The following UBXN11 variants were observed in gnomAD, a reference collection of about 807,000 sequenced individuals.
The protein encoded by UBXN11 is UBX domain protein 11, also known as UBX domain-containing protein 11.
In UBXN11, 47 loss-of-function variants were observed where a neutral mutation model predicts 62.8. The observed-to-expected ratio is 0.75, with a 90% CI of 0.59 to 0.95. The LOEUF (loss-of-function observed/expected upper bound fraction) is 0.95, where lower values mean the gene tolerates loss of function less well. Among genes scored for constraint, UBXN11 ranks in the 40% least tolerant of loss-of-function variants. The probability of loss-of-function intolerance (pLI) is 0.00; values close to 1 mark genes in which losing one functional copy is unlikely to be tolerated. For synonymous variants in UBXN11, 294 were observed against 267.0 expected, an observed-to-expected ratio of 1.10 and a Z score of -0.99; for missense variants, 638 against 661.7, an observed-to-expected ratio of 0.96 and a Z score of 0.39.
At chr1:26,289,017 T>C (rs1379139288) in intron 8 of UBXN11, among the ~76,000 whole-genome samples, 1 of 152,046 alleles carries the variant, frequency 6.6e-6, no homozygotes, top group Non-Finnish European at 1.5e-5. Context: ...TCATCCAACT[T>C]TGAGAGCCCA....
intron 8 of UBXN11, among the ~76,000 whole-genome samples, chr1:26,293,229 A>C (rs1416759448): frequency 6.6e-6 from 1 of 152,102 alleles, no homozygotes; most frequent in Non-Finnish European, 1.5e-5. Flanking sequence ...TGCCCAAGTC[A>C]CACTTGGGAT....
In UBXN11 at chr1:26,282,656, G is replaced by A. The variant is rs772945901; in HGVS notation, c.1285C>T (p.Gln429Ter). The A allele has an allele frequency of 6.8e-6, 11 of 1,614,072 alleles. No homozygotes were observed. The South Asian group carries it at 8.8e-5, about 13-fold the overall frequency. Reference sequence around the variant, plus strand: ...GCCCTGCCCTGCACCCACCTGGCCTGCGCTAGCAGAGCTCGCACGTCCCCA... The same window carrying A: ...GCCCTGCCCTGCACCCACCTGGCCTACGCTAGCAGAGCTCGCACGTCCCCA... ...TIGDVRALLAQARVMDASAFE... is the reference protein window; with the variant it reads ...TIGDVRALLA The change falls in exon 14 of 15, where the codon CAG becomes TAG. Residue 429 changes from glutamine (Q) to a stop codon, truncating the protein, a stop_gained. Coordinates refer to ENST00000374222, the MANE Select transcript of UBXN11 (RefSeq NM_001389556.1). LOFTEE classifies it low-confidence loss of function (END_TRUNC).
chr1:26,308,436 T>C (rs2073705450), upstream of UBXN11, among the ~76,000 whole-genome samples: 1 of 152,102 alleles, frequency 6.6e-6, no homozygotes, highest in Non-Finnish European at 1.5e-5. Flanking sequence ...TTCACTCTGG[T>C]AAACAAGGCA....
intron 1 of UBXN11, among the ~76,000 whole-genome samples, chr1:26,304,194 G>T (rs914765881): frequency 3.3e-5 from 5 of 152,210 alleles, no homozygotes; most frequent in African/African-American, 2.4e-5. Context: ...TCACTGCAGA[G>T]TTTGAGAATC....
chr1:26,298,512 G>A (rs1487788864), intron 4 of UBXN11, among the ~76,000 whole-genome samples: 2 of 152,126 alleles, frequency 1.3e-5, no homozygotes, highest in South Asian at 2.1e-4. Flanking sequence ...AGCCAGGGCC[G>A]GGCATGCGGT....
chr1:26,285,488 C>T lies in UBXN11; in HGVS notation c.828G>A (p.Leu276=). The T allele has an allele frequency of 1.2e-6, 2 of 1,606,584 alleles. No homozygotes were observed. Among genetic ancestry groups the T allele is most frequent in the Non-Finnish European group, 1.7e-6 (2 of 1,174,954 alleles). Residue 276 remains leucine, a synonymous_variant, in exon 10 of 15, where the codon CTG becomes CTA. Transcript: ENST00000374222. ...DGFFPSELQR[L]YPNGVPFKVS... is the part of the protein sequence containing the mutation. ...CCTTAAAGGGGACCCCATTGGGGTA[C>T]AGTCGCTGGAGCTCTGAGGGAAAGA...
intron 1 of UBXN11, among the ~76,000 whole-genome samples, chr1:26,306,113 A>G (rs530302570): frequency 6.6e-6 from 1 of 152,314 alleles, no homozygotes; most frequent in African/African-American, 2.4e-5. Flanking sequence ...AGCCCTGAGG[A>G]CAGTCGCCTA....
chr1:26,294,121 T>TA (rs2073339054), intron 8 of UBXN11, 84 bp downstream of exon 8: 1 of 1,564,206 alleles, frequency 6.4e-7, no homozygotes, highest in South Asian at 1.2e-5. Context: ...ACGAATGAGA[T>TA]AGGCCTCTGG....
intron 1 of UBXN11, among the ~76,000 whole-genome samples, chr1:26,305,802 T>TA: frequency 6.6e-6 from 1 of 152,276 alleles, no homozygotes; most frequent in African/African-American, 2.4e-5. Context: ...CCTTCCCTCT[T>TA]ACGCCATCTT....
chr1:26,308,275 A>G (rs202022524), upstream of UBXN11, among the ~76,000 whole-genome samples: 54 of 141,280 alleles, frequency 3.8e-4, no homozygotes, highest in East Asian at 7.7e-3. Context: ...CAAAAAAAAA[A>G]AAAAGAAAAG....
intron 1 of UBXN11, among the ~76,000 whole-genome samples, chr1:26,312,038 C>T (rs1234552219): frequency 6.6e-6 from 1 of 152,126 alleles, no homozygotes; most frequent in Non-Finnish European, 1.5e-5. Flanking sequence ...GCCTTTCTCA[C>T]GTTCCAGAAA....
chr1:26,297,386 C>G, intron 6 of UBXN11, 41 bp downstream of exon 6: 1 of 1,497,570 alleles, frequency 6.7e-7, no homozygotes, highest in Non-Finnish European at 8.9e-7. Flanking sequence ...AGGGGAGGTG[C>G]CTGACTGGGG....
chr1:26,283,155 C>T (rs990764173), intron 12 of UBXN11, among the ~76,000 whole-genome samples: 2 of 152,216 alleles, frequency 1.3e-5, no homozygotes, highest in African/African-American at 4.8e-5. Flanking sequence ...CCCCCCGTTT[C>T]AGTCTAATGG....
intron 7 of UBXN11, among the ~76,000 whole-genome samples, chr1:26,296,280 G>C (rs757669601): frequency 1.3e-5 from 2 of 152,210 alleles, no homozygotes; most frequent in Non-Finnish European, 2.9e-5. Context: ...GCAGCAAATT[G>C]CTTAACCAAT....
chr1:26,314,815 C>T (rs2073777360), intron 1 of UBXN11, among the ~76,000 whole-genome samples: 1 of 152,166 alleles, frequency 6.6e-6, no homozygotes, highest in Non-Finnish European at 1.5e-5. Context: ...TTTGAGTTTC[C>T]TAGGGAAAGT....
intron 14 of UBXN11, 26 bp downstream of exon 14, chr1:26,282,623 T>TG: frequency 6.2e-7 from 1 of 1,613,290 alleles, no homozygotes; most frequent in Non-Finnish European, 8.5e-7. Flanking sequence ...AGCCCCTCTG[T>TG]GGCCCTGGCC....
At position 26,297,456 on chromosome 1, in the gene UBXN11, T is replaced by C; in HGVS notation, c.326A>G (p.Asp109Gly). 1 of 1,556,054 alleles carries C rather than the reference T, an allele frequency of 6.4e-7. No homozygotes were observed. Among genetic ancestry groups the C allele is most frequent in the South Asian group, 1.2e-5 (1 of 84,400 alleles). ...GTGTGGCCGGAGGGTCTGCACCAGG[T>C]CCTCTAGGGCCGCTATCTTCTGATC... ...SKDQKIAALEDLVQTLRPHPA... is the reference protein window; with the variant it reads ...SKDQKIAALEGLVQTLRPHPA... The change falls in exon 6 of 15, where the codon GAC (aspartate) becomes GGC (glycine). Residue 109 changes from aspartate to glycine, a missense_variant. Physicochemically the swap from Asp to Gly is moderately conservative, Grantham distance 94. Transcript: ENST00000374222.
rs146674761 is a variant in UBXN11 at position 26,291,289 on chromosome 1, C to T, written c.559+2916G>A. ...GCACCTGGGGAGAGAGGAACGGGGA[C>T]GCCGGAGAGATGTCCCAGGAACAGA... On this transcript the variant is annotated intron_variant, in intron 8 of 14. Coordinates refer to ENST00000374222, the MANE Select transcript of UBXN11 (RefSeq NM_001389556.1). 6.6e-4 allele frequency among the ~76,000 whole-genome samples: 100 copies of T among 152,236 alleles called. 1 individual carries two copies. The highest frequency in any genetic ancestry group is 2.3e-3 in the African/African-American group (94 of 41,554).
rs183511501 is a variant in UBXN11 at position 26,285,148 on chromosome 1, G to A, written c.852+316C>T. ...TACCCAGATAGCTTCAGGAGACTTG[G>A]GGGACAGCCGGGCCACTTCTGCAGG... On this transcript the variant is annotated intron_variant, in intron 10 of 14. Coordinates refer to ENST00000374222, the MANE Select transcript of UBXN11 (RefSeq NM_001389556.1). 9.5e-5 allele frequency: 108 copies of A among 1,135,186 alleles called. No homozygotes were observed. The African/African-American group carries it at 1.2e-3, about 13-fold the overall frequency. The allele number at this position is 1,135,186 out of a possible 1,614,324, so 70.3% of individuals were successfully genotyped here.
Sources: gnomAD v4.1 joint callset for allele counts (sites outside exome capture counted in the v4.1 genomes callset) on GRCh38, gnomAD v4.1.1 for gene constraint, MANE v1.5 for transcripts, NCBI Gene and HGNC (gene_info 2026-07-23, HGNC 2026-07-21) for gene names.